Variants in SFSWAP observed in about 807,000 individuals in gnomAD.
The protein encoded by SFSWAP is splicing factor, suppressor of white-apricot homolog.
Under a neutral mutation model 100.7 loss-of-function variants are expected in SFSWAP, and 17 were observed. The ratio of observed to expected loss-of-function variants is 0.17; its 90% CI spans 0.12 to 0.25. SFSWAP has a LOEUF of 0.25. Among genes scored for constraint, SFSWAP ranks in the 10% least tolerant of loss-of-function variants. SFSWAP has a pLI of 1.00. For missense variants in SFSWAP, 1,005 were observed against 1,262.6 expected (o/e 0.80, Z 3.09); for synonymous variants, 504 against 510.1 (o/e 0.99, Z 0.16).
At position 131,764,818 on chromosome 12, in the gene SFSWAP, G is replaced by A. The variant is rs1034674122; in HGVS notation, c.1951+132G>A. Reference sequence around the variant, plus strand: ...TTGGAAATCGACCTATTTGGGAGTTGTGTAACATGTCTGAGGTTTTGAAAC... The same window carrying A: ...TTGGAAATCGACCTATTTGGGAGTTATGTAACATGTCTGAGGTTTTGAAAC... On this transcript the variant is annotated intron_variant, in intron 12 of 17. Transcript: ENST00000261674. 1.8e-5 allele frequency: 12 copies of A among 658,162 alleles called. No individual in the cohort carries two copies. The Admixed American group carries it at 3.2e-4, about 17-fold the overall frequency. 40.8% of individuals were successfully genotyped at this position (658,162 alleles called of 1,614,324 possible).
chr12:131,728,080 T>C (rs1238773077), intron 6 of SFSWAP, among the ~76,000 whole-genome samples: 1 of 152,232 alleles, frequency 6.6e-6, no homozygotes, highest in Non-Finnish European at 1.5e-5. Context: ...TTGGTAGTTA[T>C]TTTGGAAATT....
At chr12:131,754,688 C>T (rs1368644113) in intron 9 of SFSWAP, among the ~76,000 whole-genome samples, 189 bp downstream of exon 9, 1 of 118,360 alleles carries the variant, frequency 8.4e-6, no homozygotes, top group Non-Finnish European at 1.6e-5. Context: ...GGCTGGAGTG[C>T]AGTGGCGCGA....
In SFSWAP at chr12:131,740,195, A is replaced by G. The variant is rs550146883; in HGVS notation, c.1081+11767A>G. Among the ~76,000 whole-genome samples, 5 of 152,184 alleles carry G rather than the reference A, an allele frequency of 3.3e-5. No individual in the cohort carries two copies. The South Asian group carries it at 1.0e-3, about 32-fold the overall frequency. On this transcript the variant is annotated intron_variant, in intron 7 of 17. Transcript: ENST00000261674. ...TTTGTTCATTGGTTGGTTTGCTTTC[A>G]TTGCTCCTATGCTGCTCTCTGAGTT... is the stretch of plus-strand genomic sequence containing the variant.
At chr12:131,722,919 A>G (rs1878615973) in intron 4 of SFSWAP, among the ~76,000 whole-genome samples, 1 of 152,206 alleles carries the variant, frequency 6.6e-6, no homozygotes, top group African/African-American at 2.4e-5. Flanking sequence ...GCTGCACTCC[A>G]GCCTAGACAA....
At chr12:131,771,470 T>C (rs1883594709) in intron 13 of SFSWAP, among the ~76,000 whole-genome samples, 1 of 152,118 alleles carries the variant, frequency 6.6e-6, no homozygotes, top group African/African-American at 2.4e-5. Context: ...TAATTTGAGA[T>C]ACTGCTCAGT....
At chr12:131,745,928 T>C (rs909370512) in intron 7 of SFSWAP, among the ~76,000 whole-genome samples, 49 of 152,244 alleles carry the variant, frequency 3.2e-4, no homozygotes, top group African/African-American at 1.2e-3. Flanking sequence ...GGCCGCTTCC[T>C]GGCTTACCAG....
At position 131,790,203 on chromosome 12, in the gene SFSWAP, T is replaced by G. The variant is rs115332117; in HGVS notation, c.2534+3615T>G. ...TGTGATAATCCATTGCTATTATTAT[T>G]CTATTAGATGGTGACATTGTCTCCA... On this transcript the variant is annotated intron_variant, in intron 15 of 17. Transcript: ENST00000261674. Among the ~76,000 whole-genome samples, 319 of 152,350 alleles carry G rather than the reference T, an allele frequency of 2.1e-3. 3 individuals carry two copies. Among genetic ancestry groups the G allele is most frequent in the African/African-American group, 7.1e-3 (297 of 41,572 alleles).
At position 131,799,649 on chromosome 12, in the gene SFSWAP, AGT is replaced by A; in HGVS notation, c.*162_*163del. The A allele has an allele frequency of 1.6e-6, 1 of 613,482 alleles. No individual in the cohort carries two copies. Among genetic ancestry groups the A allele is most frequent in the Admixed American group, 2.9e-5 (1 of 34,002 alleles). 38.0% of individuals were successfully genotyped at this position (613,482 alleles called of 1,614,324 possible). ...TTGAGTTTTAAGATTTCTGACCAGC[AGT>A]CTCTTACCTGTATATTTGTAAATAT... On this transcript the variant is annotated 3_prime_UTR_variant, in exon 18 of 18. Coordinates refer to ENST00000261674, the MANE Select transcript of SFSWAP (RefSeq NM_004592.4).
intron 9 of SFSWAP, 64 bp downstream of exon 9, chr12:131,754,563 A>T (rs1490598978): frequency 2.8e-5 from 35 of 1,236,408 alleles, no homozygotes; most frequent in Middle Eastern, 2.1e-4. Context: ...GCCTTTTTTT[A>T]AAAAAATGTA....
chr12:131,785,135 C>T (rs776458532), intron 14 of SFSWAP: 110 of 1,535,484 alleles, frequency 7.2e-5, no homozygotes, highest in Non-Finnish European at 2.3e-5. Flanking sequence ...TCAGTGACAG[C>T]GGCAGCCGAG....
At chr12:131,728,749 A>C (rs1437906241) in intron 7 of SFSWAP, among the ~76,000 whole-genome samples, 4 of 148,230 alleles carry the variant, frequency 2.7e-5, no homozygotes, top group Non-Finnish European at 5.9e-5. Context: ...CACCCAGGCC[A>C]GAGTGCAGGG....
chr12:131,795,127 A>G (rs1885533995), intron 15 of SFSWAP, among the ~76,000 whole-genome samples: 1 of 152,254 alleles, frequency 6.6e-6, no homozygotes, highest in Non-Finnish European at 1.5e-5. Flanking sequence ...GTTGAACAGT[A>G]AACAACATGT....
At chr12:131,796,893 T>C (rs1196890517) in intron 15 of SFSWAP, 1 of 344,342 alleles carries the variant, frequency 2.9e-6, no homozygotes, top group Admixed American at 4.7e-5. Context: ...CACTATGAAC[T>C]GCCTGTGGTG....
intron 14 of SFSWAP, chr12:131,784,946 G>A: frequency 1.5e-6 from 1 of 646,168 alleles, no homozygotes; most frequent in Non-Finnish European, 2.4e-6. Context: ...GTTTATTGTA[G>A]AATTCTACGT....
Position 131,714,972 on chromosome 12 carries a change from G to A in SFSWAP, c.520+19G>A. 2.5e-6 allele frequency: 4 copies of A among 1,613,368 alleles called. No homozygotes were observed. Among genetic ancestry groups the A allele is most frequent in the Non-Finnish European group, 2.5e-6 (3 of 1,179,908 alleles). ...CAGAGAGGTGAGTGGGGAGCTGCCT[G>A]GACTGCTGGTGTAGGGCTACACGTG... is the stretch of plus-strand genomic sequence containing the variant. On this transcript the variant is annotated intron_variant, in intron 3 of 17. Coordinates refer to ENST00000261674, the MANE Select transcript of SFSWAP (RefSeq NM_004592.4). This position sits in a 1 kb window ranked among gnomAD's most constrained non-coding sequence, Gnocchi z 6.0.
In SFSWAP at chr12:131,733,172, G is replaced by A. The variant is rs1879670159; in HGVS notation, c.1081+4744G>A. 6.6e-6 allele frequency among the ~76,000 whole-genome samples: 1 copy of A among 152,216 alleles called. No homozygotes were observed. The highest frequency in any genetic ancestry group is 1.5e-5 in the Non-Finnish European group (1 of 68,040). On this transcript the variant is annotated intron_variant, in intron 7 of 17. Transcript: ENST00000261674. This position sits in a 1 kb window ranked among gnomAD's most constrained non-coding sequence, Gnocchi z 5.1. ...TGGCCATGGACTTGAAACGTCAGCTGTATGAGAGCGGGCGGGGGATGGCGC... is the reference window on the plus strand; with the variant it reads ...TGGCCATGGACTTGAAACGTCAGCTATATGAGAGCGGGCGGGGGATGGCGC...
At chr12:131,771,205 GATCCTTCTGTT>G (rs1458908081) in intron 13 of SFSWAP, among the ~76,000 whole-genome samples, 2 of 152,198 alleles carry the variant, frequency 1.3e-5, no homozygotes, top group Non-Finnish European at 2.9e-5. Context: ...TTACAGTAGA[GATCCTTCTGTT>G]ATCAATGCTT....
chr12:131,782,700 G>A (rs966748220), intron 14 of SFSWAP, among the ~76,000 whole-genome samples: 4 of 152,162 alleles, frequency 2.6e-5, no homozygotes, highest in African/African-American at 9.7e-5. Context: ...ACAGCACAAC[G>A]AATATTTATT....
intron 14 of SFSWAP, among the ~76,000 whole-genome samples, chr12:131,782,659 A>T (rs997498645): frequency 2.6e-5 from 4 of 152,242 alleles, no homozygotes; most frequent in South Asian, 2.1e-4. Flanking sequence ...TCTATATAAA[A>T]TACAGAAAGT....
Sources: gnomAD v4.1 joint callset for allele counts (sites outside exome capture counted in the v4.1 genomes callset) on GRCh38, gnomAD v4.1.1 for gene constraint, Gnocchi (gnomAD v3.1) non-coding constraint, MANE v1.5 for transcripts, NCBI Gene and HGNC (gene_info 2026-07-23, HGNC 2026-07-21) for gene names.